FBXL5: variants seen among roughly 807,000 people sequenced by gnomAD.
FBXL5 encodes F-box and leucine rich repeat protein 5, also known as F-box/LRR-repeat protein 5.
Under a neutral mutation model 78.3 loss-of-function variants are expected in FBXL5, and 26 were observed. The observed-to-expected ratio is 0.33, with a 90% CI of 0.24 to 0.46. The LOEUF (loss-of-function observed/expected upper bound fraction) is 0.46. Ranked by LOEUF, FBXL5 falls within the 20% of genes least tolerant of loss-of-function variation. The pLI is 1.00. For synonymous variants in FBXL5, 295 were observed against 282.5 expected (o/e 1.04, Z -0.45); for missense variants, 710 against 829.2 (o/e 0.86, Z 1.77).
chr4:15,672,852 A>T (rs1038485205), intron 1 of FBXL5, among the ~76,000 whole-genome samples: 2 of 152,198 alleles, frequency 1.3e-5, no homozygotes, highest in African/African-American at 4.8e-5. Flanking sequence ...AGCTTAAAAT[A>T]CATGTTGTAC....
intron 9 of FBXL5, among the ~76,000 whole-genome samples, chr4:15,617,115 G>C (rs113539579): frequency 6.6e-6 from 1 of 152,262 alleles, no homozygotes; most frequent in South Asian, 2.1e-4. Context: ...CCATTACTAG[G>C]TATATAACCA....
intron 10 of FBXL5, among the ~76,000 whole-genome samples, chr4:15,609,700 TAAG>T (rs977376486): frequency 1.3e-5 from 2 of 152,108 alleles, no homozygotes; most frequent in African/African-American, 4.8e-5. Context: ...ATGTTATGGC[TAAG>T]AAGACTTTTC....
intron 5 of FBXL5, among the ~76,000 whole-genome samples, chr4:15,634,355 AT>A (rs35206354): frequency 6.6e-6 from 1 of 150,724 alleles, no homozygotes; most frequent in Non-Finnish European, 1.5e-5. Context: ...TGTCTGACTA[AT>A]TTTTTTTCTT....
At chr4:15,631,494 C>T (rs1713660975) in intron 5 of FBXL5, among the ~76,000 whole-genome samples, 1 of 152,230 alleles carries the variant, frequency 6.6e-6, no homozygotes. Context: ...AATCGCCACA[C>T]TGTCTTCCAC....
intron 9 of FBXL5, among the ~76,000 whole-genome samples, chr4:15,621,884 A>C (rs1712520750): frequency 6.6e-6 from 1 of 152,170 alleles, no homozygotes; most frequent in Non-Finnish European, 1.5e-5. Flanking sequence ...GCTGGAGTGC[A>C]ATAGTGCCAT....
rs111555447 is a variant in FBXL5 at position 15,627,283 on chromosome 4, C to T, written c.1042-328G>A. On this transcript the variant is annotated intron_variant, in intron 7 of 10. Coordinates refer to ENST00000341285, the MANE Select transcript of FBXL5 (RefSeq NM_012161.4). ...CTGAGTAGCTGAGACTACAGGCACA[C>T]GCCACTACATCTGGCTAATTTTTGC... Among the ~76,000 whole-genome samples the T allele has an allele frequency of 3.6e-3, 550 of 152,002 alleles. 6 individuals carry two copies. The highest frequency in any genetic ancestry group is 0.013 in the African/African-American group (532 of 41,460).
chr4:15,609,989 T>TA (rs1389632903), intron 10 of FBXL5, among the ~76,000 whole-genome samples: 2 of 152,092 alleles, frequency 1.3e-5, no homozygotes, highest in East Asian at 1.9e-4. Context: ...TGTTTTCTTT[T>TA]AAAAAATATA....
chr4:15,653,622 C>A (rs1716417848), intron 1 of FBXL5, among the ~76,000 whole-genome samples: 1 of 150,788 alleles, frequency 6.6e-6, no homozygotes, highest in South Asian at 2.1e-4. Context: ...GTCTTCACTT[C>A]CACTTTCGAT....
chr4:15,652,371 C>T (rs1264842021), intron 1 of FBXL5, among the ~76,000 whole-genome samples: 1 of 152,108 alleles, frequency 6.6e-6, no homozygotes, highest in African/African-American at 2.4e-5. Flanking sequence ...GCTTATGTAA[C>T]CTTGGCCTAG....
chr4:15,643,918 T>G (rs1227726139), intron 2 of FBXL5, among the ~76,000 whole-genome samples: 1 of 152,180 alleles, frequency 6.6e-6, no homozygotes, highest in African/African-American at 2.4e-5. Flanking sequence ...CATTATAAAA[T>G]TTTATTAAAC....
intron 2 of FBXL5, among the ~76,000 whole-genome samples, chr4:15,644,208 T>C (rs905253171): frequency 2.0e-5 from 3 of 152,210 alleles, no homozygotes; most frequent in Non-Finnish European, 4.4e-5. Flanking sequence ...TTGGCCTTGA[T>C]GTTTCCTCAG....
chr4:15,626,848 A>T, intron 8 of FBXL5, 25 bp downstream of exon 8: 1 of 1,498,076 alleles, frequency 6.7e-7, no homozygotes, highest in Non-Finnish European at 9.0e-7. Context: ...TTTTCATTAT[A>T]TTTAAATTGT....
At chr4:15,676,007 G>T (rs1248100426) in intron 1 of FBXL5, among the ~76,000 whole-genome samples, 1 of 152,168 alleles carries the variant, frequency 6.6e-6, no homozygotes, top group South Asian at 2.1e-4. Context: ...AGGTGAAAAA[G>T]AGCTCTACTT....
chr4:15,658,060 C>A (rs1717099721), upstream of FBXL5, among the ~76,000 whole-genome samples: 1 of 152,162 alleles, frequency 6.6e-6, no homozygotes, highest in South Asian at 2.1e-4. Context: ...AAAAATATAA[C>A]TTATTCTGTT....
chr4:15,675,951 C>T (rs1261825379), intron 1 of FBXL5, among the ~76,000 whole-genome samples: 3 of 152,080 alleles, frequency 2.0e-5, no homozygotes, highest in African/African-American at 7.2e-5. Flanking sequence ...TCTTTCTGAT[C>T]CACAGATATC....
At position 15,604,542 on chromosome 4, in the gene FBXL5, AAGG is replaced by A. The variant is rs1261907758; in HGVS notation, c.*1178_*1180del. 1 of 152,256 alleles carries A rather than the reference AAGG, an allele frequency of 6.6e-6. No individual in the cohort carries two copies. The highest frequency in any genetic ancestry group is 2.4e-5 in the African/African-American group (1 of 41,472). 9.4% of individuals were successfully genotyped at this position (152,256 alleles called of 1,614,324 possible). The stretch of plus-strand genomic sequence containing the variant: ...AATTATCACAATATACGAGACATGA[AAGG>A]AGAAGTTTTATTGGAAACATGGCAC... On this transcript the variant is annotated 3_prime_UTR_variant, in exon 11 of 11. Coordinates refer to ENST00000341285, the MANE Select transcript of FBXL5 (RefSeq NM_012161.4).
chr4:15,662,517 AATGAG>A (rs1717360973), upstream of FBXL5, among the ~76,000 whole-genome samples: 1 of 152,212 alleles, frequency 6.6e-6, no homozygotes, highest in Non-Finnish European at 1.5e-5. Flanking sequence ...TACATTAAAT[AATGAG>A]ACTATCCCAA....
chr4:15,646,616 T>C (rs958945240), intron 1 of FBXL5, among the ~76,000 whole-genome samples: 1 of 152,120 alleles, frequency 6.6e-6, no homozygotes, highest in African/African-American at 2.4e-5. Flanking sequence ...TACATATGTA[T>C]ACATGTGCCA....
chr4:15,676,732 T>C (rs367987230), intron 1 of FBXL5, among the ~76,000 whole-genome samples: 1 of 151,990 alleles, frequency 6.6e-6, no homozygotes, highest in East Asian at 1.9e-4. Flanking sequence ...TGAAACTAGG[T>C]GTTGGGTTGT....
Sources: gnomAD v4.1 joint callset for allele counts (sites outside exome capture counted in the v4.1 genomes callset) on GRCh38, gnomAD v4.1.1 for gene constraint, MANE v1.5 for transcripts, NCBI Gene and HGNC (gene_info 2026-07-23, HGNC 2026-07-21) for gene names.